The following CORIN variants were observed in gnomAD, a reference collection of about 807,000 sequenced individuals.
CORIN encodes corin, serine peptidase.
Under a neutral mutation model 125.3 loss-of-function variants are expected in CORIN, and 117 were observed. The ratio of observed to expected loss-of-function variants is 0.93; its 90% CI spans 0.80 to 1.09. CORIN has a LOEUF of 1.09. Ranked by LOEUF, CORIN falls within the 50% of genes least tolerant of loss-of-function variation. CORIN has a pLI of 0.00. For synonymous variants in CORIN, 450 were observed against 466.4 expected, an observed-to-expected ratio of 0.96 and a Z score of 0.45; for missense variants, 1,253 against 1,306.7, an observed-to-expected ratio of 0.96 and a Z score of 0.63.
chr4:47,763,233 C>T, intron 4 of CORIN, 146 bp downstream of exon 4: 1 of 634,654 alleles, frequency 1.6e-6, no homozygotes, highest in South Asian at 2.0e-5. Flanking sequence ...CAAAACATTT[C>T]TATTTTCAAA....
At chr4:47,609,846 A>T (rs1382625074) in intron 19 of CORIN, among the ~76,000 whole-genome samples, 1 of 152,286 alleles carries the variant, frequency 6.6e-6, no homozygotes, top group Non-Finnish European at 1.5e-5. Context: ...ATCAGTGAGA[A>T]CATGTGGTAT....
At chr4:47,763,124 C>CTGGA (rs1336624740) in intron 4 of CORIN, among the ~76,000 whole-genome samples, 1 of 152,154 alleles carries the variant, frequency 6.6e-6, no homozygotes, top group Non-Finnish European at 1.5e-5. Flanking sequence ...CTGTCTTATG[C>CTGGA]TGGATCCTCA....
chr4:47,609,387 C>G (rs1362650100), intron 19 of CORIN, among the ~76,000 whole-genome samples: 1 of 152,044 alleles, frequency 6.6e-6, no homozygotes, highest in Non-Finnish European at 1.5e-5. Context: ...TTACAGGCAC[C>G]CGCCACCATG....
At chr4:47,817,299 T>C (rs1049680831) in intron 1 of CORIN, among the ~76,000 whole-genome samples, 1 of 149,494 alleles carries the variant, frequency 6.7e-6, no homozygotes, top group African/African-American at 2.4e-5. Flanking sequence ...TAACAAAATA[T>C]ATATATATAT....
At chr4:47,775,594 C>T (rs146340555) in intron 3 of CORIN, among the ~76,000 whole-genome samples, 2 of 152,100 alleles carry the variant, frequency 1.3e-5, no homozygotes, top group Non-Finnish European at 2.9e-5. Context: ...ATATATGCCA[C>T]ATTTTCTTAA....
At chr4:47,713,835 G>A (rs1726967506) in intron 5 of CORIN, among the ~76,000 whole-genome samples, 1 of 151,968 alleles carries the variant, frequency 6.6e-6, no homozygotes, top group Middle Eastern at 3.4e-3. Flanking sequence ...AGGGCCTCAG[G>A]GAATCTTTTT....
Position 47,594,888 on chromosome 4 carries a change from A to G in CORIN, c.*833T>C, listed in dbSNP as rs138743037. ...CAAACCCAGCTATGAGGACAGTTCT[A>G]TAGAGACTCTTCTATAAAATTATGA... is the stretch of plus-strand genomic sequence containing the variant. On this transcript the variant is annotated 3_prime_UTR_variant, in exon 22 of 22. Coordinates refer to ENST00000273857, the MANE Select transcript of CORIN (RefSeq NM_006587.4). 1 of 152,324 alleles carries G rather than the reference A, an allele frequency of 6.6e-6. No homozygotes were observed. The highest frequency in any genetic ancestry group is 6.5e-5 in the Admixed American group (1 of 15,296). The allele number at this position is 152,324 out of a possible 1,614,324, so 9.4% of individuals were successfully genotyped here. A position where few individuals can be genotyped will look rare whatever the true frequency, so the allele number is the denominator to read the frequency against.
At chr4:47,648,339 A>G (rs1577781228) in intron 13 of CORIN, among the ~76,000 whole-genome samples, 1 of 152,194 alleles carries the variant, frequency 6.6e-6, no homozygotes, top group Non-Finnish European at 1.5e-5. Flanking sequence ...CAGTGTTCCA[A>G]AAAAGTCACC....
At chr4:47,715,061 G>A (rs1315144122) in intron 5 of CORIN, among the ~76,000 whole-genome samples, 1 of 152,010 alleles carries the variant, frequency 6.6e-6, no homozygotes, top group Non-Finnish European at 1.5e-5. Context: ...TCAAAGAATT[G>A]GAATTCAAAA....
At chr4:47,837,564 A>G (rs1475931945) in intron 1 of CORIN, 1 of 476,104 alleles carries the variant, frequency 2.1e-6, no homozygotes, top group Non-Finnish European at 3.8e-6. Context: ...ACTCTGCAGG[A>G]AAGGTGGCAT....
At chr4:47,719,370 C>T (rs781477859) in intron 5 of CORIN, among the ~76,000 whole-genome samples, 36 of 152,078 alleles carry the variant, frequency 2.4e-4, no homozygotes, top group African/African-American at 5.8e-4. Flanking sequence ...GCAGGCTCTC[C>T]GTACATATTT....
At chr4:47,691,872 C>T (rs1186480707) in intron 6 of CORIN, among the ~76,000 whole-genome samples, 3 of 151,952 alleles carry the variant, frequency 2.0e-5, no homozygotes, top group Admixed American at 2.0e-4. Context: ...GCGTCCTAGC[C>T]CATCAGATGA....
intron 12 of CORIN, among the ~76,000 whole-genome samples, chr4:47,660,971 A>G (rs1451931825): frequency 6.6e-6 from 1 of 152,236 alleles, no homozygotes; most frequent in African/African-American, 2.4e-5. Flanking sequence ...TGTGGTACAT[A>G]TATGCAATGG....
rs1725101355 is a variant in CORIN, at chr4:47,677,922, G to A, written c.1249+16C>T. The A allele has an allele frequency of 6.5e-7, 1 of 1,541,996 alleles. No homozygotes were observed. Among genetic ancestry groups the A allele is most frequent in the African/African-American group, 1.4e-5 (1 of 73,614 alleles). On this transcript the variant is annotated intron_variant, in intron 9 of 21. Coordinates refer to ENST00000273857, the MANE Select transcript of CORIN (RefSeq NM_006587.4). ...CACCAGTAAAGGAATGTTCTGGGGT[G>A]GTGGGACACACTTACTGACGCTGCA... is the stretch of plus-strand genomic sequence containing the variant.
At chr4:47,773,785 G>A (rs952638912) in intron 3 of CORIN, among the ~76,000 whole-genome samples, 1 of 150,012 alleles carries the variant, frequency 6.7e-6, no homozygotes, top group Non-Finnish European at 1.5e-5. Flanking sequence ...ATACCTTCTA[G>A]GTATATTTAG....
At chr4:47,621,729 T>C (rs1298250214) in intron 19 of CORIN, among the ~76,000 whole-genome samples, 3 of 152,136 alleles carry the variant, frequency 2.0e-5, no homozygotes, top group Non-Finnish European at 4.4e-5. Flanking sequence ...GGCCAAACAT[T>C]ATTCTATATG....
intron 1 of CORIN, among the ~76,000 whole-genome samples, chr4:47,818,734 G>A (rs1279714560): frequency 1.3e-5 from 2 of 152,068 alleles, no homozygotes; most frequent in African/African-American, 2.4e-5. Context: ...TTAGCCAGAC[G>A]TGGTGGTGCA....
Position 47,734,442 on chromosome 4 carries a change from C to G in CORIN, c.799+9960G>C, listed in dbSNP as rs532176684. Among the ~76,000 whole-genome samples the G allele has an allele frequency of 6.0e-4, 91 of 152,254 alleles. 1 individual carries two copies. Among genetic ancestry groups the G allele is most frequent in the African/African-American group, 1.9e-3 (80 of 41,540 alleles). On this transcript the variant is annotated intron_variant, in intron 5 of 21. Coordinates refer to ENST00000273857, the MANE Select transcript of CORIN (RefSeq NM_006587.4). ...TTCCGTCCCCTTTGCTAAGTAGGAGCCTTTCTCTTTTAAAATATTCAGGAT... is the reference window on the plus strand; with the variant it reads ...TTCCGTCCCCTTTGCTAAGTAGGAGGCTTTCTCTTTTAAAATATTCAGGAT...
chr4:47,740,771 A>T (rs1728356906), intron 5 of CORIN, among the ~76,000 whole-genome samples: 1 of 151,964 alleles, frequency 6.6e-6, no homozygotes. Context: ...ATCAATAAAA[A>T]ATAATTGAAA....
Sources: gnomAD v4.1 joint callset for allele counts (sites outside exome capture counted in the v4.1 genomes callset) on GRCh38, gnomAD v4.1.1 for gene constraint, MANE v1.5 for transcripts, NCBI Gene and HGNC (gene_info 2026-07-23, HGNC 2026-07-21) for gene names.